Variants in CDC37L1 observed in about 807,000 individuals in gnomAD.
The protein encoded by CDC37L1 is hsp90 co-chaperone Cdc37-like 1.
A neutral mutation model predicts 45.9 loss-of-function variants in CDC37L1; 32 were observed. The observed-to-expected ratio is 0.70, with a 90% CI of 0.53 to 0.94. The LOEUF is 0.94. CDC37L1 is among the 40% of genes least tolerant of loss of function. CDC37L1 has a pLI of 0.00. For synonymous variants in CDC37L1, 150 were observed against 133.0 expected (o/e 1.13, Z -0.88); for missense variants, 434 against 405.7 (o/e 1.07, Z -0.60).
intron 3 of CDC37L1, among the ~76,000 whole-genome samples, chr9:4,694,418 C>A (rs1841328045): frequency 6.6e-6 from 1 of 152,158 alleles, no homozygotes; most frequent in Admixed American, 6.5e-5. Context: ...ACTCTTTCCA[C>A]AAAGGTCTGT....
At chr9:4,684,409 T>C (rs1841227395) in intron 1 of CDC37L1, among the ~76,000 whole-genome samples, 1 of 152,008 alleles carries the variant, frequency 6.6e-6, no homozygotes, top group South Asian at 2.1e-4. Flanking sequence ...ATTGGAAAAA[T>C]ACAGATAGAA....
chr9:4,688,962 A>T (rs2130846246), intron 3 of CDC37L1, among the ~76,000 whole-genome samples: 1 of 152,102 alleles, frequency 6.6e-6, no homozygotes, highest in Non-Finnish European at 1.5e-5. Context: ...TTTAAAGATT[A>T]TTCATTTTTT....
intron 2 of CDC37L1, among the ~76,000 whole-genome samples, chr9:4,686,355 G>A (rs1175923169): frequency 1.3e-5 from 2 of 152,042 alleles, no homozygotes; most frequent in Non-Finnish European, 2.9e-5. Context: ...CTCTGTGCCT[G>A]TACTAATTTA....
In CDC37L1 at chr9:4,707,182, C is replaced by T. The variant is rs906173105; in HGVS notation, c.*1070C>T. On this transcript the variant is annotated 3_prime_UTR_variant, in exon 7 of 7. Transcript: ENST00000381854. ...ATTTGGCATTTCCCCTTTTTCAGCTCAGTTACCATAGAATACTTCCAAGCT... is the reference window on the plus strand; with the variant it reads ...ATTTGGCATTTCCCCTTTTTCAGCTTAGTTACCATAGAATACTTCCAAGCT... 3 of 152,090 alleles carry T rather than the reference C, an allele frequency of 2.0e-5. No homozygotes were observed. The highest frequency in any genetic ancestry group is 7.2e-5 in the African/African-American group (3 of 41,404). 9.4% of individuals were successfully genotyped at this position (152,090 alleles called of 1,614,324 possible). A position where few individuals can be genotyped will look rare whatever the true frequency, so the allele number is the denominator to read the frequency against.
chr9:4,701,106 C>T (rs900516710), intron 5 of CDC37L1, among the ~76,000 whole-genome samples: 9 of 152,210 alleles, frequency 5.9e-5, no homozygotes, highest in Non-Finnish European at 8.8e-5. Context: ...TAACCTGTTA[C>T]GCAACCTAAA....
In CDC37L1 at chr9:4,682,159, C is replaced by CT. The variant is rs1563766411; in HGVS notation, c.132+2261dup. Among the ~76,000 whole-genome samples the CT allele has an allele frequency of 4.7e-4, 23 of 48,456 alleles. 1 individual carries two copies. Among genetic ancestry groups the CT allele is most frequent in the East Asian group, 8.6e-4 (1 of 1,166 alleles). The allele number at this position is 48,456 out of a possible 152,430, so 31.8% of individuals were successfully genotyped here. A position where few individuals can be genotyped will look rare whatever the true frequency, so the allele number is the denominator to read the frequency against. The stretch of plus-strand genomic sequence containing the variant: ...TACTTTTCTTGATATATTATCCTTT[C>CT]TCTTTTTTTTTTTTTTTTTTTGAGG... On this transcript the variant is annotated intron_variant, in intron 1 of 6. Transcript: ENST00000381854.
rs542992149 is a variant in CDC37L1 at position 4,693,651 on chromosome 9, G to A, written c.509-3445G>A. On this transcript the variant is annotated intron_variant, in intron 3 of 6. Transcript: ENST00000381854. ...GCATATGATTAAAATATCTAAACTT[G>A]TCAAAGTGAGGTTTTCCAAGCATTC... 7.2e-5 allele frequency among the ~76,000 whole-genome samples: 11 copies of A among 152,252 alleles called. No individual in the cohort carries two copies. In the South Asian group the frequency reaches 2.3e-3, roughly 32 times the overall value.
intron 2 of CDC37L1, among the ~76,000 whole-genome samples, chr9:4,685,755 C>CAGTTTTCAAATGGAAACT (rs1491420057): frequency 3.3e-5 from 5 of 152,146 alleles, no homozygotes; most frequent in Non-Finnish European, 5.9e-5. Flanking sequence ...TTTTATACCT[C>CAGTTTTCAAATGGAAACT]AGTTTTCCAT....
intron 1 of CDC37L1, 127 bp downstream of exon 1, chr9:4,680,026 C>A: frequency 8.1e-7 from 1 of 1,240,440 alleles, no homozygotes; most frequent in Non-Finnish European, 1.1e-6. Flanking sequence ...GGGCCGGGGA[C>A]CTGGGACCTG....
chr9:4,688,151 CA>C (rs963203515), intron 2 of CDC37L1, among the ~76,000 whole-genome samples: 5 of 152,182 alleles, frequency 3.3e-5, no homozygotes, highest in African/African-American at 1.2e-4. Context: ...AGGCATCCAC[CA>C]CCATGCCCAG....
chr9:4,701,692 A>G (rs1373200676), intron 5 of CDC37L1, among the ~76,000 whole-genome samples, 172 bp from the exon 6 acceptor site: 1 of 152,208 alleles, frequency 6.6e-6, no homozygotes, highest in East Asian at 1.9e-4. Context: ...TAATGTTCCT[A>G]TAAATCAGGT....
chr9:4,691,272 C>T (rs1262989643), intron 3 of CDC37L1, among the ~76,000 whole-genome samples: 2 of 152,168 alleles, frequency 1.3e-5, no homozygotes, highest in African/African-American at 2.4e-5. Flanking sequence ...CAGATTATTA[C>T]ATCACCCAGG....
chr9:4,686,881 A>T (rs774531116), intron 2 of CDC37L1, among the ~76,000 whole-genome samples: 2 of 152,220 alleles, frequency 1.3e-5, no homozygotes, highest in Non-Finnish European at 2.9e-5. Context: ...GATTCCAATG[A>T]TGTAGTGCCA....
At chr9:4,686,888 G>A (rs1373070893) in intron 2 of CDC37L1, among the ~76,000 whole-genome samples, 1 of 152,142 alleles carries the variant, frequency 6.6e-6, no homozygotes, top group East Asian at 1.9e-4. Flanking sequence ...ATGATGTAGT[G>A]CCAAAAAAAG....
rs1184913006 is a variant in CDC37L1, at chr9:4,706,934, G to C, written c.*822G>C. On this transcript the variant is annotated 3_prime_UTR_variant, in exon 7 of 7. Coordinates refer to ENST00000381854, the MANE Select transcript of CDC37L1 (RefSeq NM_017913.4). ...ACTAATGGCTTGTAAGAACAAACAG[G>C]AATAATAATCTGATTTTTAAATTTG... 1 of 152,154 alleles carries C rather than the reference G, an allele frequency of 6.6e-6. No individual in the cohort carries two copies. The highest frequency in any genetic ancestry group is 1.5e-5 in the Non-Finnish European group (1 of 68,016). The allele number at this position is 152,154 out of a possible 1,614,324, so 9.4% of individuals were successfully genotyped here. A position where few individuals can be genotyped will look rare whatever the true frequency, so the allele number is the denominator to read the frequency against.
At chr9:4,697,023 A>C (rs1208280411) in intron 3 of CDC37L1, 73 bp from the exon 4 acceptor site, 2 of 696,460 alleles carry the variant, frequency 2.9e-6, no homozygotes, top group Non-Finnish European at 5.2e-6. Flanking sequence ...TGAATTAAGA[A>C]TGGTTGGTAT....
intron 2 of CDC37L1, among the ~76,000 whole-genome samples, chr9:4,686,270 A>G (rs578003151): frequency 1.3e-5 from 2 of 152,308 alleles, no homozygotes; most frequent in Admixed American, 1.3e-4. Context: ...AGCAGTCAGT[A>G]ACACACACAG....
At chr9:4,702,475 G>T (rs1169915020) in intron 6 of CDC37L1, among the ~76,000 whole-genome samples, 1 of 152,002 alleles carries the variant, frequency 6.6e-6, no homozygotes. Flanking sequence ...TTAAATGTTG[G>T]GTCTACCAGA....
intron 2 of CDC37L1, among the ~76,000 whole-genome samples, chr9:4,687,914 A>G (rs1315916484): frequency 1.3e-5 from 2 of 152,184 alleles, no homozygotes; most frequent in Non-Finnish European, 2.9e-5. Context: ...ACCTGCTTTT[A>G]ATTGGGAAAT....
Sources: allele counts gnomAD v4.1 joint callset (sites outside exome capture counted in the v4.1 genomes callset), GRCh38; gene constraint gnomAD v4.1.1; transcripts MANE v1.5; gene names NCBI Gene and HGNC (gene_info 2026-07-23, HGNC 2026-07-21).